Variants in RELN observed in about 807,000 individuals in gnomAD.
RELN encodes reelin.
A neutral mutation model predicts 427.6 loss-of-function variants in RELN; 108 were observed. The ratio of observed to expected loss-of-function variants is 0.25; its 90% CI spans 0.22 to 0.30. The LOEUF (loss-of-function observed/expected upper bound fraction) is 0.30, where lower values mean the gene tolerates loss of function less well. Ranked by LOEUF, RELN falls within the 10% of genes least tolerant of loss-of-function variation. RELN has a pLI of 1.00. For missense variants in RELN, 3,715 were observed against 4,302.8 expected, an observed-to-expected ratio of 0.86 and a Z score of 3.82; for synonymous variants, 1,524 against 1,513.4, an observed-to-expected ratio of 1.01 and a Z score of -0.16.
At chr7:103,683,307 G>A (rs1412115613) in intron 10 of RELN, among the ~76,000 whole-genome samples, 2 of 152,008 alleles carry the variant, frequency 1.3e-5, no homozygotes, top group East Asian at 3.9e-4. Context: ...GCATATAGCA[G>A]GCATTAAAAA....
Position 103,519,186 on chromosome 7 carries a change from A to G in RELN, c.7862+137T>C, listed in dbSNP as rs3779521. 34,550 of 694,110 alleles carry G rather than the reference A, an allele frequency of 0.05. 1,384 individuals are homozygous for G. Among genetic ancestry groups the G allele is most frequent in the East Asian group, 0.16 (6,124 of 37,538 alleles). 43.0% of individuals were successfully genotyped at this position (694,110 alleles called of 1,614,324 possible). ...AACCAGCTATTTATCCAGCTCAGAA[A>G]CCCTTCTTCATTTCAGTCTCAGAGG... On this transcript the variant is annotated intron_variant, in intron 49 of 64. Transcript: ENST00000428762.
chr7:103,604,846 T>G (rs185804687), intron 22 of RELN, among the ~76,000 whole-genome samples: 1 of 151,590 alleles, frequency 6.6e-6, no homozygotes, highest in African/African-American at 2.4e-5. Flanking sequence ...TTTTTTTTTT[T>G]TGAGACAGAG....
At chr7:103,488,377 G>T (rs6944123) in intron 60 of RELN, among the ~76,000 whole-genome samples, 67,894 of 151,914 alleles carry the variant, frequency 0.45, 17,315 homozygotes, top group African/African-American at 0.71. Flanking sequence ...TCCAGACATC[G>T]AGGACTTCTT....
intron 28 of RELN, among the ~76,000 whole-genome samples, chr7:103,581,152 A>C (rs992013028): frequency 2.0e-5 from 3 of 152,148 alleles, no homozygotes; most frequent in Non-Finnish European, 2.9e-5. Flanking sequence ...TGGATGAAGG[A>C]ACCACTATCA....
chr7:103,776,424 C>A (rs544152667), intron 4 of RELN, 133 bp downstream of exon 4: 3 of 871,604 alleles, frequency 3.4e-6, no homozygotes, highest in East Asian at 2.5e-5. Flanking sequence ...ATTAGTGATA[C>A]GAAGGGTCAA....
At chr7:103,900,224 GA>G (rs1318078227) in intron 2 of RELN, among the ~76,000 whole-genome samples, 4 of 152,060 alleles carry the variant, frequency 2.6e-5, no homozygotes, top group African/African-American at 9.7e-5. Context: ...AAACACCTAG[GA>G]ATACAACTTA....
chr7:103,476,164 T>C (rs945517932), intron 64 of RELN, among the ~76,000 whole-genome samples: 1 of 152,180 alleles, frequency 6.6e-6, no homozygotes, highest in African/African-American at 2.4e-5. Flanking sequence ...AGTGTTTATA[T>C]AGTCACATTA....
intron 2 of RELN, among the ~76,000 whole-genome samples, chr7:103,851,056 C>T (rs1793809320): frequency 6.6e-6 from 1 of 152,192 alleles, no homozygotes; most frequent in Non-Finnish European, 1.5e-5. Flanking sequence ...GAACAATTCA[C>T]ATTGCAAAAT....
In RELN at chr7:103,557,993, G is replaced by T; in HGVS notation, c.5586C>A (p.Val1862=). 1 of 1,470,204 alleles carries T rather than the reference G, an allele frequency of 6.8e-7. No individual in the cohort carries two copies. Among genetic ancestry groups the T allele is most frequent in the Non-Finnish European group, 9.5e-7 (1 of 1,049,202 alleles). The allele number at this position is 1,470,204 out of a possible 1,614,324, so 91.1% of individuals were successfully genotyped here. A position where few individuals can be genotyped will look rare whatever the true frequency, so the allele number is the denominator to read the frequency against. ...RDLDCTNTMY[V]QFSLRFIAKS... is the part of the protein sequence containing the mutation. Reference sequence around the variant, plus strand: ...TTGCTATAAATCTAAGTGAAAACTGGACATACATTGTATTTGTACAATCTA... The same window carrying T: ...TTGCTATAAATCTAAGTGAAAACTGTACATACATTGTATTTGTACAATCTA... The change falls in exon 37 of 65, where the codon GTC becomes GTA. Residue 1862 remains valine (V), a synonymous_variant. Coordinates refer to ENST00000428762, the MANE Select transcript of RELN (RefSeq NM_005045.4).
At chr7:103,921,971 C>G (rs1795626545) in intron 1 of RELN, among the ~76,000 whole-genome samples, 1 of 152,088 alleles carries the variant, frequency 6.6e-6, no homozygotes, top group South Asian at 2.1e-4. Context: ...CTCAGTGACC[C>G]CAGAGCTCAT....
At chr7:103,560,580 G>T (rs1037306441) in intron 36 of RELN, among the ~76,000 whole-genome samples, 3 of 152,040 alleles carry the variant, frequency 2.0e-5, no homozygotes, top group Admixed American at 6.6e-5. Context: ...GGTTCAAATG[G>T]GTCAGATGTG....
rs193184173 is a variant in RELN at position 103,957,015 on chromosome 7, T to G, written c.226+32116A>C. On this transcript the variant is annotated intron_variant, in intron 1 of 64. Coordinates refer to ENST00000428762, the MANE Select transcript of RELN (RefSeq NM_005045.4). The stretch of plus-strand genomic sequence containing the variant: ...ACACAGGTAACAGGAGACTAAGAAT[T>G]TTACCCTAACACAGAAAAGAAAACT... Among the ~76,000 whole-genome samples, 4 of 152,162 alleles carry G rather than the reference T, an allele frequency of 2.6e-5. No individual in the cohort carries two copies. In the East Asian group the frequency reaches 7.7e-4, roughly 29 times the overall value.
chr7:103,744,689 C>A (rs2116036608), intron 6 of RELN, among the ~76,000 whole-genome samples: 1 of 152,332 alleles, frequency 6.6e-6, no homozygotes, highest in East Asian at 1.9e-4. Context: ...TTCCTCAACA[C>A]ATACATCCTC....
At chr7:103,883,982 T>G (rs879900657) in intron 2 of RELN, among the ~76,000 whole-genome samples, 2 of 152,138 alleles carry the variant, frequency 1.3e-5, no homozygotes, top group African/African-American at 4.8e-5. Flanking sequence ...ACGACAATCC[T>G]AAGCAAAAAG....
At chr7:103,750,675 C>T (rs1790976503) in intron 5 of RELN, among the ~76,000 whole-genome samples, 1 of 152,132 alleles carries the variant, frequency 6.6e-6, no homozygotes, top group Non-Finnish European at 1.5e-5. Flanking sequence ...CCTTCTTGCC[C>T]TGGCTTGCTT....
chr7:103,921,883 G>A (rs1795624698), intron 1 of RELN, among the ~76,000 whole-genome samples: 1 of 152,112 alleles, frequency 6.6e-6, no homozygotes, highest in Non-Finnish European at 1.5e-5. Flanking sequence ...CTTTTGTTAA[G>A]GTATTCAGGT....
intron 44 of RELN, 130 bp from the exon 45 acceptor site, chr7:103,539,457 G>T: frequency 1.1e-6 from 1 of 910,322 alleles, no homozygotes; most frequent in Non-Finnish European, 1.7e-6. Flanking sequence ...TGGACGGCCA[G>T]CAGAATGTGA....
At chr7:103,641,786 T>G (rs1832699145) in intron 16 of RELN, among the ~76,000 whole-genome samples, 1 of 152,138 alleles carries the variant, frequency 6.6e-6, no homozygotes, top group Non-Finnish European at 1.5e-5. Context: ...TGCTCCACTG[T>G]GCACCAAGGA....
intron 6 of RELN, among the ~76,000 whole-genome samples, chr7:103,732,691 C>A (rs1050481376): frequency 6.6e-6 from 1 of 151,994 alleles, no homozygotes; most frequent in Admixed American, 6.6e-5. Flanking sequence ...CCTGGCTTAC[C>A]CCAGAATTTG....
Sources: allele counts gnomAD v4.1 joint callset (sites outside exome capture counted in the v4.1 genomes callset), GRCh38; gene constraint gnomAD v4.1.1; transcripts MANE v1.5; gene names NCBI Gene and HGNC (gene_info 2026-07-23, HGNC 2026-07-21).